The following THOC2 variants were observed in gnomAD, a reference collection of about 807,000 sequenced individuals.
THOC2 encodes THO complex 2.
In THOC2, 10 loss-of-function variants were observed where a neutral mutation model predicts 128.4. That is an observed-to-expected ratio of 0.08 (90% CI 0.05 to 0.13). THOC2 has a LOEUF of 0.13. Among genes scored for constraint, THOC2 ranks in the 10% least tolerant of loss-of-function variants. THOC2 has a pLI of 1.00. For synonymous variants in THOC2, 393 were observed against 396.9 expected (o/e 0.99, Z 0.12); for missense variants, 535 against 1,155.7 (o/e 0.46, Z 7.79).
chrX:123,641,233 T>C (rs1276498407), intron 15 of THOC2, among the ~76,000 whole-genome samples: 1 of 112,378 alleles, frequency 8.9e-6, no homozygotes, highest in Non-Finnish European at 1.9e-5. Flanking sequence ...CTATGAATTC[T>C]TACAGTTCAA....
chrX:123,620,821 G>T, intron 32 of THOC2, 86 bp downstream of exon 32: 2 of 904,465 alleles, frequency 2.2e-6, no homozygotes, highest in Non-Finnish European at 3.1e-6. Flanking sequence ...GTGAATGCTT[G>T]GCATAAGACT....
rs765005874 is a variant in THOC2, at chrX:123,699,866, TAA to T, written c.275-2117_275-2116del. Among the ~76,000 whole-genome samples the T allele has an allele frequency of 5.3e-4, 60 of 112,250 alleles. 1 individual carries two copies. Among genetic ancestry groups the T allele is most frequent in the African/African-American group, 1.8e-3 (57 of 30,947 alleles). On this transcript the variant is annotated intron_variant, in intron 4 of 38. Coordinates refer to ENST00000245838, the MANE Select transcript of THOC2 (RefSeq NM_001081550.2). The stretch of plus-strand genomic sequence containing the variant: ...GGTTCTGACAATGTTAGGAAACGCT[TAA>T]AAGAGTCTCAGTAAATTTCTTAGCT...
At chrX:123,638,622 G>A in intron 17 of THOC2, among the ~76,000 whole-genome samples, 1 of 109,858 alleles carries the variant, frequency 9.1e-6, no homozygotes. Flanking sequence ...CAGTGCCACT[G>A]CATTCCAGCC....
chrX:123,714,451 C>T (rs1005582006), intron 1 of THOC2, among the ~76,000 whole-genome samples: 1 of 111,834 alleles, frequency 8.9e-6, no homozygotes, highest in African/African-American at 3.3e-5. Context: ...TAAATATATA[C>T]ACATACCACA....
intron 1 of THOC2, among the ~76,000 whole-genome samples, chrX:123,713,727 A>G (rs1039205536): frequency 2.8e-5 from 3 of 107,890 alleles, no homozygotes; most frequent in Non-Finnish European, 5.7e-5. Context: ...TCATGCTTGC[A>G]CTCCCAGCTA....
At chrX:123,716,673 G>A (rs2147966237) in intron 1 of THOC2, among the ~76,000 whole-genome samples, 1 of 105,513 alleles carries the variant, frequency 9.5e-6, no homozygotes, top group East Asian at 3.0e-4. Context: ...AGCTTGCAGT[G>A]AGTCAAAATG....
rs929123632 is a variant in THOC2 at position 123,724,893 on chromosome X, G to A, written c.71+8059C>T. Among the ~76,000 whole-genome samples, 13 of 110,469 alleles carry A rather than the reference G, an allele frequency of 1.2e-4. 1 individual carries two copies. The highest frequency in any genetic ancestry group is 3.0e-4 in the African/African-American group (9 of 30,279). ...AGGAGTTCAAGACCAGCCTCGTAACGTGGTGAAACCCTGTCTCTACCAAAA... is the reference window on the plus strand; with the variant it reads ...AGGAGTTCAAGACCAGCCTCGTAACATGGTGAAACCCTGTCTCTACCAAAA... On this transcript the variant is annotated intron_variant, in intron 1 of 38. Transcript: ENST00000245838.
rs745880561 is a variant in THOC2 at position 123,613,495 on chromosome X, G to A, written c.4581C>T (p.Asp1527=). The part of the protein sequence containing the change: ...PCESPYPNEK[D]KEKNKSKSSG... ...AAGATTTTGACTTATTTTTTTCCTTGTCTTTCTCATTTGGATAAGGAGATT... is the reference window on the plus strand; with the variant it reads ...AAGATTTTGACTTATTTTTTTCCTTATCTTTCTCATTTGGATAAGGAGATT... Residue 1527 remains aspartate (D), a synonymous_variant, in exon 36 of 39, where the codon GAC becomes GAT. Transcript: ENST00000245838. The A allele has an allele frequency of 3.3e-6, 4 of 1,207,485 alleles. No homozygotes were observed. The highest frequency in any genetic ancestry group is 4.5e-6 in the Non-Finnish European group (4 of 893,282).
intron 30 of THOC2, among the ~76,000 whole-genome samples, chrX:123,622,550 A>G (rs1419093675): frequency 1.8e-5 from 2 of 111,805 alleles, no homozygotes; most frequent in African/African-American, 6.5e-5. Context: ...GAGGACTCAT[A>G]GAAGAATTTA....
At chrX:123,687,921 C>A (rs2050071819) in intron 7 of THOC2, among the ~76,000 whole-genome samples, 1 of 111,863 alleles carries the variant, frequency 8.9e-6, no homozygotes, top group Non-Finnish European at 1.9e-5. Context: ...AGGAAGAAAA[C>A]TTCTAAATAT....
At chrX:123,651,794 G>C (rs1421940521) in intron 12 of THOC2, among the ~76,000 whole-genome samples, 1 of 107,232 alleles carries the variant, frequency 9.3e-6, no homozygotes, top group East Asian at 2.9e-4. Context: ...TTCTGAAATT[G>C]AGGCAGTAAC....
At chrX:123,698,863 A>T (rs1307947724) in intron 4 of THOC2, among the ~76,000 whole-genome samples, 1 of 108,587 alleles carries the variant, frequency 9.2e-6, no homozygotes, top group Non-Finnish European at 1.9e-5. Context: ...TGACAGAGTA[A>T]GACTCTGTCT....
chrX:123,661,106 TA>T lies in THOC2; in HGVS notation c.1386+4535del, dbSNP rs777302549. Among the ~76,000 whole-genome samples the T allele has an allele frequency of 1.2e-4, 14 of 112,539 alleles. No individual in the cohort carries two copies. In the East Asian group the frequency reaches 3.9e-3, roughly 31 times the overall value. Reference sequence around the variant, plus strand: ...CATATGTTCTCACTCGTGTGAAAGCTAAAAAAGTGGCCTCATGGCCGGGCAC... The same window carrying T: ...CATATGTTCTCACTCGTGTGAAAGCTAAAAAGTGGCCTCATGGCCGGGCAC... On this transcript the variant is annotated intron_variant, in intron 12 of 38. Coordinates refer to ENST00000245838, the MANE Select transcript of THOC2 (RefSeq NM_001081550.2).
intron 12 of THOC2, among the ~76,000 whole-genome samples, chrX:123,651,442 A>G (rs1191460981): frequency 9.0e-6 from 1 of 111,694 alleles, no homozygotes; most frequent in Admixed American, 9.5e-5. Flanking sequence ...ACAAGAAATA[A>G]CTAAGATCAG....
chrX:123,731,135 C>T (rs778211181), intron 1 of THOC2, among the ~76,000 whole-genome samples: 5 of 112,116 alleles, frequency 4.5e-5, no homozygotes, highest in African/African-American at 1.6e-4. Context: ...GGTAACTTCC[C>T]ATCTTGCCTT....
intron 12 of THOC2, among the ~76,000 whole-genome samples, chrX:123,652,758 C>T (rs1429577033): frequency 9.0e-6 from 1 of 111,551 alleles, no homozygotes; most frequent in African/African-American, 3.3e-5. Flanking sequence ...CAAACTACTG[C>T]TCAAGGAAAT....
At chrX:123,680,909 CCACA>C (rs1176782326) in intron 8 of THOC2, among the ~76,000 whole-genome samples, 1 of 111,112 alleles carries the variant, frequency 9.0e-6, no homozygotes, top group African/African-American at 3.3e-5. Flanking sequence ...TCCACTGCTG[CCACA>C]CACAATCAGA....
intron 33 of THOC2, among the ~76,000 whole-genome samples, chrX:123,615,634 C>A (rs2046860155): frequency 1.2e-5 from 1 of 86,322 alleles, no homozygotes. Context: ...GTAATTTTTC[C>A]CAATAAAAGC....
At chrX:123,640,210 T>C (rs1432533272) in intron 16 of THOC2, among the ~76,000 whole-genome samples, 1 of 111,149 alleles carries the variant, frequency 9.0e-6, no homozygotes, top group Non-Finnish European at 1.9e-5. Flanking sequence ...AATAAATAAA[T>C]ATTGCAGTGA....
Sources: allele counts gnomAD v4.1 joint callset (sites outside exome capture counted in the v4.1 genomes callset), GRCh38; gene constraint gnomAD v4.1.1; transcripts MANE v1.5; gene names NCBI Gene and HGNC (gene_info 2026-07-23, HGNC 2026-07-21).